The following VWF variants were observed in gnomAD, a reference collection of about 807,000 sequenced individuals.
The protein encoded by VWF is von Willebrand factor.
Under a neutral mutation model 308.6 loss-of-function variants are expected in VWF, and 176 were observed. The ratio of observed to expected loss-of-function variants is 0.57; its 90% confidence interval spans 0.50 to 0.65. The LOEUF (loss-of-function observed/expected upper bound fraction) is 0.65. Ranked by LOEUF, VWF falls within the 30% of genes least tolerant of loss-of-function variation. The probability of loss-of-function intolerance (pLI) is 0.00; values close to 1 mark genes in which losing one functional copy is unlikely to be tolerated. For missense variants in VWF, 3,146 were observed against 3,648.2 expected (o/e 0.86, Z 3.55); for synonymous variants, 1,385 against 1,443.4 (o/e 0.96, Z 0.92).
At chr12:5,989,371 A>C (rs550470972) in intron 38 of VWF, among the ~76,000 whole-genome samples, 1 of 152,264 alleles carries the variant, frequency 6.6e-6, no homozygotes, top group South Asian at 2.1e-4. Context: ...TAAAAAAAAA[A>C]GTTTCTTTAA....
intron 9 of VWF, 128 bp downstream of exon 9, chr12:6,072,203 C>T (rs1188754481): frequency 2.5e-6 from 2 of 809,178 alleles, no homozygotes; most frequent in Non-Finnish European, 4.1e-6. Context: ...CCAGTAGCCT[C>T]CAACTCAGTC....
chr12:6,089,507 A>C (rs76028308), intron 6 of VWF, among the ~76,000 whole-genome samples: 2,735 of 152,246 alleles, frequency 0.018, 80 homozygotes, highest in African/African-American at 0.063. Context: ...CTGGAGCCTC[A>C]GAAAGGTGCC....
rs1261567513 is a variant in VWF at position 6,052,622 on chromosome 12, G to A, written c.2107C>T (p.Pro703Ser). 6 of 1,614,260 alleles carry A rather than the reference G, an allele frequency of 3.7e-6. No homozygotes were observed. The highest frequency in any genetic ancestry group is 1.6e-4 in the Middle Eastern group (1 of 6,062). Reference protein sequence around the residue: ...LYMDERGDCVPKAQCPCYYDG... With the variant: ...LYMDERGDCVSKAQCPCYYDG... ...TAGTAACAGGGGCACTGGGCCTTGG[G>A]CACGCAGTCCCCCCTCTCATCCATG... is the stretch of plus-strand genomic sequence containing the variant. Residue 703 changes from proline (P) to serine (S), a missense_variant, in exon 16 of 52, where the codon CCC becomes TCC. Around this residue, in one of 3 missense-constraint regions of VWF, gnomAD observed 1,304 missense variants for 1,353.0 expected, o/e 0.96. Coordinates refer to ENST00000261405, the MANE Select transcript of VWF (RefSeq NM_000552.5).
chr12:5,996,344 C>T, intron 34 of VWF, 122 bp from the exon 35 acceptor site: 3 of 866,124 alleles, frequency 3.5e-6, no homozygotes. Flanking sequence ...GGAACAGGCC[C>T]TTTGAGGTCA....
intron 3 of VWF, among the ~76,000 whole-genome samples, chr12:6,120,679 A>G (rs571190695): frequency 6.6e-6 from 1 of 152,248 alleles, no homozygotes; most frequent in African/African-American, 2.4e-5. Flanking sequence ...TCCATTGGTA[A>G]AACTGGGATG....
chr12:6,034,626 G>A, intron 20 of VWF, 62 bp downstream of exon 20: 1 of 1,611,688 alleles, frequency 6.2e-7, no homozygotes, highest in Non-Finnish European at 8.5e-7. Flanking sequence ...CCAACCTGAG[G>A]CCACACCTCC....
At chr12:6,052,248 A>G (rs901909055) in intron 16 of VWF, among the ~76,000 whole-genome samples, 13 of 152,188 alleles carry the variant, frequency 8.5e-5, no homozygotes, top group African/African-American at 3.1e-4. Flanking sequence ...TTCCTGTTCC[A>G]GAAAAGGAAA....
intron 6 of VWF, among the ~76,000 whole-genome samples, chr12:6,083,325 CT>C (rs1209648612): frequency 6.6e-6 from 1 of 152,198 alleles, no homozygotes; most frequent in East Asian, 1.9e-4. Context: ...GATCCCAGCA[CT>C]TTTGGAGGCC....
rs147147371 is a variant in VWF at position 6,031,297 on chromosome 12, G to A, written c.2820+147C>T. The A allele has an allele frequency of 1.5e-4, 204 of 1,348,732 alleles. 1 individual carries two copies. The African/African-American group carries it at 2.5e-3, about 16-fold the overall frequency. The allele number at this position is 1,348,732 out of a possible 1,614,324, so 83.5% of individuals were successfully genotyped here. A position where few individuals can be genotyped will look rare whatever the true frequency, so the allele number is the denominator to read the frequency against. Reference sequence around the variant, plus strand: ...TCTTCTCATAAAATAATACGTCACGGTCAGTTGCAATAGCTCTGCCTCATC... The same window carrying A: ...TCTTCTCATAAAATAATACGTCACGATCAGTTGCAATAGCTCTGCCTCATC... On this transcript the variant is annotated intron_variant, in intron 21 of 51. Coordinates refer to ENST00000261405, the MANE Select transcript of VWF (RefSeq NM_000552.5).
Position 5,971,707 on chromosome 12 carries a change from G to A in VWF, c.7440C>T (p.Gly2480=), listed in dbSNP as rs1172235742. ...CGCCTTCATGCAGAACGTAAGTGAA[G>A]CCCTGGAAAAGCAGAAAAAACAGAG... is the stretch of plus-strand genomic sequence containing the variant. ...QKPCEDSCRS[G]FTYVLHEGEC... The change falls in exon 44 of 52, where the codon GGC becomes GGT. Residue 2480 remains glycine, a splice_region_variant and synonymous_variant. Transcript: ENST00000261405. 6.2e-7 allele frequency: 1 copy of A among 1,614,086 alleles called. No individual in the cohort carries two copies. Among genetic ancestry groups the A allele is most frequent in the Non-Finnish European group, 8.5e-7 (1 of 1,179,944 alleles).
intron 5 of VWF, among the ~76,000 whole-genome samples, chr12:6,105,236 AT>A (rs535051570): frequency 2.4e-4 from 36 of 150,224 alleles, no homozygotes; most frequent in Non-Finnish European, 3.6e-4. Context: ...AATTTATACA[AT>A]TTTTTTTTTG....
intron 5 of VWF, among the ~76,000 whole-genome samples, chr12:6,108,212 T>C (rs1045187208): frequency 2.0e-5 from 3 of 150,484 alleles, no homozygotes; most frequent in Admixed American, 6.6e-5. Context: ...AAGAATCGCT[T>C]GAATCTGGGA....
chr12:6,010,101 T>G (rs1943976184), intron 34 of VWF, among the ~76,000 whole-genome samples: 1 of 152,090 alleles, frequency 6.6e-6, no homozygotes, highest in Admixed American at 6.6e-5. Context: ...ACTGGAAAAT[T>G]TATTAATAGG....
At chr12:6,044,800 G>A (rs1431123502) in intron 17 of VWF, among the ~76,000 whole-genome samples, 1 of 152,170 alleles carries the variant, frequency 6.6e-6, no homozygotes. Context: ...CTGAGTTTGG[G>A]TGCTAAAAAG....
At position 6,029,343 on chromosome 12, in the gene VWF, T is replaced by C. The variant is rs763191895; in HGVS notation, c.2966A>G (p.Gln989Arg). ...SISVVLKQTY[Q>R]EKVCGLCGNF... The stretch of plus-strand genomic sequence containing the variant: ...AGATGAAGCAAGAAAGCCACTGACC[T>C]GGTATGTCTGCTTCAGGACCACGGA... The change falls in exon 22 of 52, where the codon CAG becomes CGG. Residue 989 changes from glutamine (Q) to arginine (R), a missense_variant and splice_region_variant. Physicochemically the swap from Gln to Arg is conservative, Grantham distance 43 (BLOSUM62 1). Around this residue, in one of 3 missense-constraint regions of VWF, gnomAD observed 1,304 missense variants for 1,353.0 expected, o/e 0.96. Transcript: ENST00000261405. 6 of 1,613,982 alleles carry C rather than the reference T, an allele frequency of 3.7e-6. No individual in the cohort carries two copies. Among genetic ancestry groups the C allele is most frequent in the East Asian group, 2.2e-5 (1 of 44,864 alleles).
intron 6 of VWF, among the ~76,000 whole-genome samples, chr12:6,077,931 CCCT>C (rs535857836): frequency 7.9e-4 from 120 of 152,272 alleles, no homozygotes; most frequent in African/African-American, 2.9e-3. Flanking sequence ...TTTACTCAAC[CCCT>C]CCTCTGCAAA....
chr12:6,086,959 AGG>A (rs1944979209), intron 6 of VWF, among the ~76,000 whole-genome samples: 34 of 152,360 alleles, frequency 2.2e-4, no homozygotes, highest in Admixed American at 2.2e-3. Flanking sequence ...GAGGAATCAC[AGG>A]TGAACTGCAT....
chr12:6,116,271 C>T (rs572978327), intron 3 of VWF, among the ~76,000 whole-genome samples: 216 of 152,308 alleles, frequency 1.4e-3, no homozygotes, highest in Non-Finnish European at 2.1e-3. Flanking sequence ...GCCTGCTGAA[C>T]GCAGTGATTA....
intron 34 of VWF, among the ~76,000 whole-genome samples, chr12:6,010,882 T>C (rs1391201872): frequency 6.6e-6 from 1 of 152,224 alleles, no homozygotes; most frequent in African/African-American, 2.4e-5. Context: ...AGACTTTGTC[T>C]TCTGACAAAG....
Sources: gnomAD v4.1 joint callset for allele counts (sites outside exome capture counted in the v4.1 genomes callset) on GRCh38, gnomAD v4.1.1 for gene constraint, gnomAD v4.1.1 regional missense constraint, MANE v1.5 for transcripts, NCBI Gene and HGNC (gene_info 2026-07-23, HGNC 2026-07-21) for gene names.